ZNF462: variants seen among roughly 807,000 people sequenced by gnomAD.
ZNF462 encodes the protein zinc finger protein 462, also known as zinc finger PBX1-interacting protein.
A neutral mutation model predicts 201.9 loss-of-function variants in ZNF462; 10 were observed. The ratio of observed to expected loss-of-function variants is 0.05; its 90% CI spans 0.03 to 0.08. The LOEUF (loss-of-function observed/expected upper bound fraction) is 0.08. Among genes scored for constraint, ZNF462 ranks in the 10% least tolerant of loss-of-function variants. The pLI, the probability that ZNF462 is intolerant of heterozygous loss-of-function variation, is 1.00. For synonymous variants in ZNF462, 1,227 were observed against 1,193.3 expected (o/e 1.03, Z -0.58); for missense variants, 2,523 against 3,168.3 (o/e 0.80, Z 4.89).
rs1829823227 is a variant in ZNF462 at position 106,917,523 on chromosome 9, C to T, written c.-30-5831C>T. On this transcript the variant is annotated intron_variant, in intron 1 of 12. Coordinates refer to ENST00000277225, the MANE Select transcript of ZNF462 (RefSeq NM_021224.6). The surrounding 1 kb of genome is among the most constrained non-coding windows in gnomAD (Gnocchi z 4.5). ...TTCCCTGCTACTATTTAACTTCAGTCTCATATTGGGGGTTACATATGTGAT... is the reference window on the plus strand; with the variant it reads ...TTCCCTGCTACTATTTAACTTCAGTTTCATATTGGGGGTTACATATGTGAT... Among the ~76,000 whole-genome samples the T allele has an allele frequency of 1.3e-5, 2 of 152,314 alleles. No individual in the cohort carries two copies. Among genetic ancestry groups the T allele is most frequent in the Non-Finnish European group, 2.9e-5 (2 of 68,034 alleles).
At chr9:106,946,159 C>A (rs1324330708) in intron 7 of ZNF462, among the ~76,000 whole-genome samples, 1 of 152,146 alleles carries the variant, frequency 6.6e-6, no homozygotes, top group African/African-American at 2.4e-5. Flanking sequence ...GAACTAGTTC[C>A]CAGCAACACT....
rs1042742157 is a variant in ZNF462 at position 106,966,735 on chromosome 9, G to T, written c.6428-5270G>T. The stretch of plus-strand genomic sequence containing the variant: ...CAGTAAATATTTGCTGAATGAATGG[G>T]TGTAATTGAATCATTTGCCCCTTGG... On this transcript the variant is annotated intron_variant, in intron 7 of 12. Coordinates refer to ENST00000277225, the MANE Select transcript of ZNF462 (RefSeq NM_021224.6). The surrounding 1 kb of genome is among the most constrained non-coding windows in gnomAD (Gnocchi z 4.4). Among the ~76,000 whole-genome samples, 2 of 152,110 alleles carry T rather than the reference G, an allele frequency of 1.3e-5. No individual in the cohort carries two copies. Among genetic ancestry groups the T allele is most frequent in the African/African-American group, 4.8e-5 (2 of 41,434 alleles).
intron 1 of ZNF462, among the ~76,000 whole-genome samples, chr9:106,889,172 C>A (rs79097952): frequency 8.5e-4 from 130 of 152,290 alleles, no homozygotes; most frequent in Non-Finnish European, 1.6e-3. Flanking sequence ...AAATATTGGC[C>A]TAATGGGGCA....
At chr9:106,893,143 GTGTTC>G (rs1385117797) in intron 1 of ZNF462, among the ~76,000 whole-genome samples, 4 of 152,174 alleles carry the variant, frequency 2.6e-5, no homozygotes, top group Admixed American at 2.6e-4. Flanking sequence ...TTATATAAAT[GTGTTC>G]TTCACAACAC....
At chr9:106,948,042 T>A (rs1831183040) in intron 7 of ZNF462, among the ~76,000 whole-genome samples, 1 of 152,100 alleles carries the variant, frequency 6.6e-6, no homozygotes, top group South Asian at 2.1e-4. Flanking sequence ...AGGAATTGAG[T>A]CATGTAGGGC....
chr9:107,012,776 A>G lies in ZNF462; in HGVS notation c.*1746A>G, dbSNP rs1830000487. On this transcript the variant is annotated 3_prime_UTR_variant, in exon 13 of 13. Transcript: ENST00000277225. ...GGTGGGAGGGAAGAAAGGGAAGGGGAATTGCTGAGATGACAGTGTCCCACA... is the reference window on the plus strand; with the variant it reads ...GGTGGGAGGGAAGAAAGGGAAGGGGGATTGCTGAGATGACAGTGTCCCACA... 6.7e-6 allele frequency: 1 copy of G among 148,684 alleles called. No homozygotes were observed. The highest frequency in any genetic ancestry group is 1.5e-5 in the Non-Finnish European group (1 of 67,270). 9.2% of individuals were successfully genotyped at this position (148,684 alleles called of 1,614,324 possible). A position where few individuals can be genotyped will look rare whatever the true frequency, so the allele number is the denominator to read the frequency against.
chr9:106,900,773 T>G (rs949708192), intron 1 of ZNF462, among the ~76,000 whole-genome samples: 1 of 152,202 alleles, frequency 6.6e-6, no homozygotes, highest in Non-Finnish European at 1.5e-5. Context: ...TGTTGTAGTT[T>G]CTGGATATTA....
chr9:106,914,012 C>T (rs1447978767), intron 1 of ZNF462, among the ~76,000 whole-genome samples: 1 of 141,822 alleles, frequency 7.1e-6, no homozygotes, highest in Admixed American at 7.4e-5. Context: ...AGACCAGTCA[C>T]ATGCCTTCGC....
rs1447421089 is a variant in ZNF462 at position 106,954,321 on chromosome 9, G to T, written c.6427+15214G>T. Reference sequence around the variant, plus strand: ...AGGAGAGAGAAAGAGAGTGAGGGGGGGATGTGCCATACTTCTAAACCATCA... The same window carrying T: ...AGGAGAGAGAAAGAGAGTGAGGGGGTGATGTGCCATACTTCTAAACCATCA... On this transcript the variant is annotated intron_variant, in intron 7 of 12. Coordinates refer to ENST00000277225, the MANE Select transcript of ZNF462 (RefSeq NM_021224.6). This position sits in a 1 kb window ranked among gnomAD's most constrained non-coding sequence, Gnocchi z 4.0. Among the ~76,000 whole-genome samples, 1 of 151,900 alleles carries T rather than the reference G, an allele frequency of 6.6e-6. No homozygotes were observed. The highest frequency in any genetic ancestry group is 1.5e-5 in the Non-Finnish European group (1 of 67,980).
upstream of ZNF462, among the ~76,000 whole-genome samples, chr9:106,861,561 C>T (rs1827067354): frequency 6.6e-6 from 1 of 152,254 alleles, no homozygotes; most frequent in Non-Finnish European, 1.5e-5. Context: ...GCGTTTCTCT[C>T]TCCTGAGGCT....
intron 10 of ZNF462, among the ~76,000 whole-genome samples, chr9:107,000,621 T>A (rs1829113831): frequency 6.6e-6 from 1 of 152,202 alleles, no homozygotes; most frequent in African/African-American, 2.4e-5. Flanking sequence ...TTTAAATCTT[T>A]TAATTGCCTA....
In ZNF462 at chr9:106,963,782, C is replaced by A. The variant is rs946290761; in HGVS notation, c.6428-8223C>A. Among the ~76,000 whole-genome samples the A allele has an allele frequency of 1.3e-5, 2 of 151,944 alleles. No homozygotes were observed. The highest frequency in any genetic ancestry group is 4.8e-5 in the African/African-American group (2 of 41,366). On this transcript the variant is annotated intron_variant, in intron 7 of 12. Coordinates refer to ENST00000277225, the MANE Select transcript of ZNF462 (RefSeq NM_021224.6). The surrounding 1 kb of genome is among the most constrained non-coding windows in gnomAD (Gnocchi z 4.7). Reference sequence around the variant, plus strand: ...GTATACACATTGTTATACAGCAGATCTCTAGAACTCTTTCATCTTACACGA... The same window carrying A: ...GTATACACATTGTTATACAGCAGATATCTAGAACTCTTTCATCTTACACGA...
At position 106,917,504 on chromosome 9, in the gene ZNF462, G is replaced by T. The variant is rs1421825683; in HGVS notation, c.-30-5850G>T. On this transcript the variant is annotated intron_variant, in intron 1 of 12. Transcript: ENST00000277225. This position sits in a 1 kb window ranked among gnomAD's most constrained non-coding sequence, Gnocchi z 4.5. ...GGACTTCATCTCATGGTATTTCCCT[G>T]CTACTATTTAACTTCAGTCTCATAT... Among the ~76,000 whole-genome samples the T allele has an allele frequency of 1.3e-5, 2 of 152,164 alleles. No homozygotes were observed. The highest frequency in any genetic ancestry group is 4.1e-4 in the South Asian group (2 of 4,826).
intron 1 of ZNF462, among the ~76,000 whole-genome samples, chr9:106,893,875 T>TCAGTTGCGCTC (rs1828697690): frequency 6.6e-6 from 1 of 152,194 alleles, no homozygotes; most frequent in African/African-American, 2.4e-5. Context: ...TGAACGCAGG[T>TCAGTTGCGCTC]CAGTTGCGCT....
Position 106,913,080 on chromosome 9 carries a change from T to C in ZNF462, c.-30-10274T>C, listed in dbSNP as rs1487795420. On this transcript the variant is annotated intron_variant, in intron 1 of 12. Transcript: ENST00000277225. This position sits in a 1 kb window ranked among gnomAD's most constrained non-coding sequence, Gnocchi z 4.1. ...AGTTCAGGGTAGCTTAGCGGTGTTA[T>C]AAACACATAGGTGGAACAATGCAGC... 1.3e-5 allele frequency among the ~76,000 whole-genome samples: 2 copies of C among 152,182 alleles called. No homozygotes were observed. Among genetic ancestry groups the C allele is most frequent in the African/African-American group, 4.8e-5 (2 of 41,442 alleles).
chr9:106,968,798 T>A lies in ZNF462; in HGVS notation c.6428-3207T>A, dbSNP rs1237563113. Reference sequence around the variant, plus strand: ...CCCAACACAAGGATATTTTTAACCTTTCTTTCCTTAAGCTCAAAATGAAAG... The same window carrying A: ...CCCAACACAAGGATATTTTTAACCTATCTTTCCTTAAGCTCAAAATGAAAG... On this transcript the variant is annotated intron_variant, in intron 7 of 12. Coordinates refer to ENST00000277225, the MANE Select transcript of ZNF462 (RefSeq NM_021224.6). This position sits in a 1 kb window ranked among gnomAD's most constrained non-coding sequence, Gnocchi z 4.0. Among the ~76,000 whole-genome samples, 2 of 152,242 alleles carry A rather than the reference T, an allele frequency of 1.3e-5. No individual in the cohort carries two copies. Among genetic ancestry groups the A allele is most frequent in the African/African-American group, 4.8e-5 (2 of 41,472 alleles).
chr9:106,924,307 G>A lies in ZNF462; in HGVS notation c.395G>A (p.Gly132Glu). The A allele has an allele frequency of 1.2e-6, 2 of 1,614,184 alleles. No individual in the cohort carries two copies. Among genetic ancestry groups the A allele is most frequent in the East Asian group, 2.2e-5 (1 of 44,884 alleles). ...LLIEHTRKVHGAQAEGSSSGP... is the reference protein window; with the variant it reads ...LLIEHTRKVHEAQAEGSSSGP... The stretch of plus-strand genomic sequence containing the variant: ...ATAGAACACACTAGAAAGGTCCATG[G>A]AGCTCAAGCTGAAGGGAGTTCATCA... Residue 132 changes from glycine to glutamate, a missense_variant, in exon 3 of 13, where the codon GGA becomes GAA. By Grantham distance (98) the Gly-to-Glu change is moderately conservative. Coordinates refer to ENST00000277225, the MANE Select transcript of ZNF462 (RefSeq NM_021224.6). This position sits in a 1 kb window ranked among gnomAD's most constrained non-coding sequence, Gnocchi z 6.2.
rs1830580453 is a variant in ZNF462, at chr9:106,935,158, A to AAT, written c.6117-345_6117-344insAT. Among the ~76,000 whole-genome samples the AAT allele has an allele frequency of 6.6e-6, 1 of 152,202 alleles. No homozygotes were observed. Among genetic ancestry groups the AAT allele is most frequent in the Non-Finnish European group, 1.5e-5 (1 of 68,036 alleles). ...TGATAGGCACTCTCACTGGCTTGGCAGGAAGCTTGAATTCACCCATATTGT... is the reference window on the plus strand; with the variant it reads ...TGATAGGCACTCTCACTGGCTTGGCAATGGAAGCTTGAATTCACCCATATTGT... On this transcript the variant is annotated intron_variant, in intron 5 of 12. Transcript: ENST00000277225. The surrounding 1 kb of genome is among the most constrained non-coding windows in gnomAD (Gnocchi z 4.1).
intron 1 of ZNF462, among the ~76,000 whole-genome samples, chr9:106,873,540 T>A (rs1196135447): frequency 6.6e-6 from 1 of 152,114 alleles, no homozygotes; most frequent in Non-Finnish European, 1.5e-5. Context: ...GCTACGCAGA[T>A]GTTTGAAAAT....
Sources: gnomAD v4.1 joint callset for allele counts (sites outside exome capture counted in the v4.1 genomes callset) on GRCh38, gnomAD v4.1.1 for gene constraint, Gnocchi (gnomAD v3.1) non-coding constraint, MANE v1.5 for transcripts, NCBI Gene and HGNC (gene_info 2026-07-23, HGNC 2026-07-21) for gene names.